The following IFT122 variants were observed in gnomAD, a reference collection of about 807,000 sequenced individuals.
IFT122 encodes the protein intraflagellar transport 122.
In IFT122, 118 loss-of-function variants were observed where a neutral mutation model predicts 161.6. That is an observed-to-expected ratio of 0.73 (90% CI 0.63 to 0.85). The LOEUF (loss-of-function observed/expected upper bound fraction) is 0.85. Ranked by LOEUF, IFT122 falls within the 40% of genes least tolerant of loss-of-function variation. IFT122 has a pLI of 0.00. For synonymous variants in IFT122, 550 were observed against 602.4 expected, an observed-to-expected ratio of 0.91 and a Z score of 1.27; for missense variants, 1,381 against 1,579.6, an observed-to-expected ratio of 0.87 and a Z score of 2.13.
chr3:129,493,695 C>G (rs868210472), intron 17 of IFT122, among the ~76,000 whole-genome samples: 1 of 152,210 alleles, frequency 6.6e-6, no homozygotes, highest in Non-Finnish European at 1.5e-5. Context: ...AGGGCTTGTT[C>G]GGAGCTATTG....
chr3:129,471,334 G>A (rs2077350394), intron 9 of IFT122, among the ~76,000 whole-genome samples: 3 of 152,156 alleles, frequency 2.0e-5, no homozygotes, highest in African/African-American at 2.4e-5. Context: ...AGTTTCCCAT[G>A]GCTGATTTCC....
intron 3 of IFT122, 100 bp from the exon 4 acceptor site, chr3:129,458,499 C>T (rs1577325967): frequency 1.0e-6 from 1 of 999,948 alleles, no homozygotes; most frequent in East Asian, 2.4e-5. Flanking sequence ...GAAGCTAACA[C>T]TTACTAGGTA....
intron 12 of IFT122, among the ~76,000 whole-genome samples, chr3:129,479,474 C>T (rs1432637296): frequency 6.6e-6 from 1 of 151,912 alleles, no homozygotes; most frequent in Non-Finnish European, 1.5e-5. Flanking sequence ...GTTAGAACTC[C>T]AAGCGGTTTA....
intron 25 of IFT122, chr3:129,515,181 T>G: frequency 3.8e-6 from 2 of 520,632 alleles, no homozygotes; most frequent in Non-Finnish European, 7.0e-6. Context: ...GCCCGGAGCA[T>G]GGTAAATGGC....
intron 11 of IFT122, among the ~76,000 whole-genome samples, chr3:129,477,069 A>G (rs1426905663): frequency 6.6e-6 from 1 of 152,078 alleles, no homozygotes; most frequent in Non-Finnish European, 1.5e-5. Flanking sequence ...CAAGGAGTAC[A>G]TGAATTTCCT....
At chr3:129,477,228 C>G (rs1358775284) in intron 11 of IFT122, among the ~76,000 whole-genome samples, 1 of 152,072 alleles carries the variant, frequency 6.6e-6, no homozygotes, top group Non-Finnish European at 1.5e-5. Flanking sequence ...GTCCTTCTGC[C>G]AGAGATGAGC....
chr3:129,518,398 C>CT (rs914365219), intron 27 of IFT122, among the ~76,000 whole-genome samples: 7 of 152,242 alleles, frequency 4.6e-5, no homozygotes, highest in African/African-American at 1.2e-4. Context: ...CTTGCACTGA[C>CT]TGAGTCTGCA....
chr3:129,443,758 C>T (rs2073587970), intron 1 of IFT122, among the ~76,000 whole-genome samples: 1 of 152,076 alleles, frequency 6.6e-6, no homozygotes, highest in Non-Finnish European at 1.5e-5. Context: ...ATTCTAAGTA[C>T]ATTAAGAGTT....
intron 5 of IFT122, 200 bp from the exon 6 acceptor site, chr3:129,463,360 C>T: frequency 1.8e-6 from 1 of 550,708 alleles, no homozygotes. Context: ...ATCTGTTCTC[C>T]ATTTCTATAA....
chr3:129,460,801 G>A, intron 4 of IFT122: 1 of 1,463,344 alleles, frequency 6.8e-7, no homozygotes, highest in South Asian at 1.1e-5. Flanking sequence ...GCCTTGCATG[G>A]TACATGATTT....
chr3:129,476,063 G>T, intron 9 of IFT122: 1 of 532,734 alleles, frequency 1.9e-6, no homozygotes, highest in Non-Finnish European at 3.4e-6. Context: ...CACTCCTGGA[G>T]CACTTGGGTG....
intron 15 of IFT122, chr3:129,487,593 G>C (rs766066989): frequency 6.2e-6 from 1 of 161,150 alleles, no homozygotes; most frequent in Non-Finnish European, 1.4e-5. Context: ...GCTGTTTCCA[G>C]AGGCTTCCAG....
At chr3:129,474,335 C>A (rs557512180) in intron 9 of IFT122, among the ~76,000 whole-genome samples, 5 of 152,224 alleles carry the variant, frequency 3.3e-5, no homozygotes, top group East Asian at 1.9e-4. Flanking sequence ...AAAGTTATTT[C>A]TTTTATAAAT....
chr3:129,516,816 GCACA>G lies in IFT122; in HGVS notation c.3266-644_3266-641del, dbSNP rs1210937579. Among the ~76,000 whole-genome samples, 9 of 84,354 alleles carry G rather than the reference GCACA, an allele frequency of 1.1e-4. No homozygotes were observed. In the Admixed American group the frequency reaches 1.2e-3, roughly 12 times the overall value. The allele number at this position is 84,354 out of a possible 152,430, so 55.3% of individuals were successfully genotyped here. ...CTGCACACACACAGAGACTGCCCCT[GCACA>G]CACACACAGAGACTGCCCCTGCACA... is the stretch of plus-strand genomic sequence containing the variant. On this transcript the variant is annotated intron_variant, in intron 26 of 29. Transcript: ENST00000348417.
chr3:129,463,393 A>G, intron 5 of IFT122, 167 bp from the exon 6 acceptor site: 1 of 612,212 alleles, frequency 1.6e-6, no homozygotes, highest in Non-Finnish European at 2.9e-6. Context: ...AGAATGTTAT[A>G]TAAATGGAAT....
intron 2 of IFT122, among the ~76,000 whole-genome samples, chr3:129,450,681 C>T (rs1041550329): frequency 6.7e-6 from 1 of 150,260 alleles, no homozygotes; most frequent in Non-Finnish European, 1.5e-5. Flanking sequence ...AGAAAGTTTC[C>T]GCTTGATTTC....
rs144611209 is a variant in IFT122, at chr3:129,511,843, C to G, written c.2887-469C>G. Among the ~76,000 whole-genome samples the G allele has an allele frequency of 3.9e-3, 599 of 152,330 alleles. 2 individuals carry two copies. Among genetic ancestry groups the G allele is most frequent in the African/African-American group, 0.013 (542 of 41,578 alleles). On this transcript the variant is annotated intron_variant, in intron 23 of 29. Transcript: ENST00000348417. ...TCATGCTGGAGAGGGCTAAATGCCT[C>G]TGTTGAAAGACAGGCTTATATGAAT...
intron 27 of IFT122, among the ~76,000 whole-genome samples, chr3:129,518,473 C>T (rs73204240): frequency 0.017 from 2,590 of 152,312 alleles, 37 homozygotes; most frequent in South Asian, 0.052. Context: ...AGGGGCCACA[C>T]TGGGAGGAGG....
intron 1 of IFT122, among the ~76,000 whole-genome samples, chr3:129,440,619 C>T (rs1056667671): frequency 2.6e-5 from 4 of 152,204 alleles, no homozygotes; most frequent in Non-Finnish European, 4.4e-5. Context: ...TCTTCCCTCA[C>T]GGTCTGGCCC....
Sources: gnomAD v4.1 joint callset for allele counts (sites outside exome capture counted in the v4.1 genomes callset) on GRCh38, gnomAD v4.1.1 for gene constraint, MANE v1.5 for transcripts, NCBI Gene and HGNC (gene_info 2026-07-23, HGNC 2026-07-21) for gene names.